Variants in KLF8 observed in about 807,000 individuals in gnomAD.
KLF8 encodes Krueppel-like factor 8.
A neutral mutation model predicts 18.2 loss-of-function variants in KLF8; 10 were observed. That is an observed-to-expected ratio of 0.55 (90% CI 0.34 to 0.93). The LOEUF (loss-of-function observed/expected upper bound fraction) is 0.93, where lower values mean the gene tolerates loss of function less well. KLF8 is among the 40% of genes least tolerant of loss of function. The probability of loss-of-function intolerance (pLI) is 0.02; values close to 1 mark genes in which losing one functional copy is unlikely to be tolerated. For synonymous variants in KLF8, 109 were observed against 97.3 expected, an observed-to-expected ratio of 1.12 and a Z score of -0.71; for missense variants, 264 against 277.9, an observed-to-expected ratio of 0.95 and a Z score of 0.36.
chrX:56,036,855 G>T, the KLF8 span, among the ~76,000 whole-genome samples: 2 of 111,209 alleles, frequency 1.8e-5, no homozygotes, highest in Non-Finnish European at 3.8e-5. Flanking sequence ...TTTTTTATGA[G>T]TGTTTTGTAA....
At chrX:56,081,463 C>A in the KLF8 span, among the ~76,000 whole-genome samples, 1 of 111,727 alleles carries the variant, frequency 9.0e-6, no homozygotes, top group Non-Finnish European at 1.9e-5. Context: ...ATTGTAATGC[C>A]TTTTATTTCT....
At chrX:56,269,531 G>A (rs1475868390) in intron 4 of KLF8, 42 bp downstream of exon 4, 1 of 936,419 alleles carries the variant, frequency 1.1e-6, no homozygotes, top group Non-Finnish European at 1.4e-6. Flanking sequence ...GTGTATGTGT[G>A]TGTGTGTGTG....
the KLF8 span, chrX:55,908,659 C>A: frequency 1.1e-5 from 3 of 285,191 alleles, no homozygotes; most frequent in Non-Finnish European, 1.8e-5. Flanking sequence ...GGTGCCCATT[C>A]CCCCTAACTC....
the KLF8 span, among the ~76,000 whole-genome samples, chrX:56,170,927 A>G: frequency 8.9e-6 from 1 of 112,076 alleles, no homozygotes; most frequent in African/African-American, 3.2e-5. Flanking sequence ...AGCATCCTAA[A>G]AGCAGTAGGA....
At chrX:56,162,693 A>G in the KLF8 span, among the ~76,000 whole-genome samples, 6 of 111,325 alleles carry the variant, frequency 5.4e-5, no homozygotes, top group Admixed American at 9.6e-5. Flanking sequence ...TAGGAAAGGG[A>G]ATTCCCTGAC....
the KLF8 span, among the ~76,000 whole-genome samples, chrX:56,063,069 C>T: frequency 3.4e-4 from 38 of 111,041 alleles, no homozygotes; most frequent in African/African-American, 1.1e-3. Context: ...TTCCTCTAAC[C>T]TTGTTTCAAG....
At chrX:56,225,801 G>A in the KLF8 span, among the ~76,000 whole-genome samples, 4 of 112,202 alleles carry the variant, frequency 3.6e-5, no homozygotes, top group Admixed American at 1.9e-4. Flanking sequence ...AGTAAGTGGC[G>A]AAGTCAGTAT....
At chrX:56,113,105 C>T in the KLF8 span, among the ~76,000 whole-genome samples, 9 of 108,081 alleles carry the variant, frequency 8.3e-5, no homozygotes, top group African/African-American at 3.0e-4. Context: ...CCCAGCTACT[C>T]GAGGATGGCT....
At chrX:56,091,653 C>G in the KLF8 span, among the ~76,000 whole-genome samples, 1 of 110,747 alleles carries the variant, frequency 9.0e-6, no homozygotes, top group Admixed American at 9.6e-5. Flanking sequence ...TGCCACCATG[C>G]CTGGCTAATT....
At chrX:56,014,191 AACAG>A in the KLF8 span, among the ~76,000 whole-genome samples, 70 of 112,521 alleles carry the variant, frequency 6.2e-4, 1 homozygote, top group Non-Finnish European at 2.8e-4. Context: ...CATCAGAGTA[AACAG>A]ACAGTCTACA....
the KLF8 span, among the ~76,000 whole-genome samples, chrX:56,016,810 G>T: frequency 6.3e-5 from 7 of 111,597 alleles, no homozygotes; most frequent in Admixed American, 5.7e-4. Context: ...TCCTTCTGCT[G>T]CACATAGAGA....
At chrX:55,967,113 A>G in the KLF8 span, among the ~76,000 whole-genome samples, 4 of 111,716 alleles carry the variant, frequency 3.6e-5, no homozygotes, top group African/African-American at 1.3e-4. Flanking sequence ...AACACCTACA[A>G]GACCTGGAAA....
chrX:56,136,677 A>T, the KLF8 span, among the ~76,000 whole-genome samples: 10 of 111,143 alleles, frequency 9.0e-5, no homozygotes, highest in Middle Eastern at 9.3e-3. Context: ...GCATTACCAT[A>T]CAGGACATAG....
At chrX:56,096,110 G>A in the KLF8 span, among the ~76,000 whole-genome samples, 2 of 111,033 alleles carry the variant, frequency 1.8e-5, no homozygotes, top group South Asian at 7.5e-4. Context: ...ATACTACACA[G>A]ACATAAAACA....
At chrX:55,984,180 T>C in the KLF8 span, among the ~76,000 whole-genome samples, 1 of 110,157 alleles carries the variant, frequency 9.1e-6, no homozygotes, top group Non-Finnish European at 1.9e-5. Flanking sequence ...GTTTGTTACA[T>C]AGGTAAACGT....
At chrX:56,183,246 C>T in the KLF8 span, among the ~76,000 whole-genome samples, 188 of 112,076 alleles carry the variant, frequency 1.7e-3, no homozygotes, top group Non-Finnish European at 2.6e-3. Flanking sequence ...AGCAAGGCTC[C>T]GTGGGCAAGG....
the KLF8 span, among the ~76,000 whole-genome samples, chrX:56,218,632 A>G: frequency 8.9e-6 from 1 of 112,482 alleles, no homozygotes; most frequent in African/African-American, 3.2e-5. Context: ...ACTGATACAT[A>G]CAATTGCTAT....
At chrX:56,225,782 C>T in the KLF8 span, among the ~76,000 whole-genome samples, 1 of 112,319 alleles carries the variant, frequency 8.9e-6, no homozygotes, top group East Asian at 2.8e-4. Flanking sequence ...TGTCCTAGGT[C>T]ACACAGTTAG....
At chrX:55,992,641 A>T in the KLF8 span, among the ~76,000 whole-genome samples, 3 of 112,184 alleles carry the variant, frequency 2.7e-5, no homozygotes, top group East Asian at 2.8e-4. Context: ...AAAGAATGTC[A>T]TTGGTAGTTT....
Sources: allele counts gnomAD v4.1 joint callset (sites outside exome capture counted in the v4.1 genomes callset), GRCh38; gene constraint gnomAD v4.1.1; transcripts MANE v1.5; gene names NCBI Gene and HGNC (gene_info 2026-07-23, HGNC 2026-07-21).